Variants in NLGN4Y observed in about 807,000 individuals in gnomAD.
NLGN4Y encodes the protein neuroligin-4, Y-linked.
In NLGN4Y, 4 loss-of-function variants were observed where a neutral mutation model predicts 8.4. The observed-to-expected ratio is 0.48, with a 90% confidence interval of 0.23 to 1.09. The LOEUF is 1.09. Among genes scored for constraint, NLGN4Y ranks in the 50% least tolerant of loss-of-function variants. The pLI, the probability that NLGN4Y is intolerant of heterozygous loss-of-function variation, is 0.19. For missense variants in NLGN4Y, 90 were observed against 192.3 expected (o/e 0.47, Z 3.15); for synonymous variants, 35 against 75.6 (o/e 0.46, Z 2.78).
chrY:14,733,541 C>T, intron 4 of NLGN4Y: 1 of 250,016 alleles, frequency 4.0e-6, no homozygotes, highest in Non-Finnish European at 6.2e-6. Flanking sequence ...TTTTTGAGTT[C>T]AGATGCAATC....
At chrY:14,612,140 T>A in intron 1 of NLGN4Y, among the ~76,000 whole-genome samples, 2 of 33,759 alleles carry the variant, frequency 5.9e-5, no homozygotes, top group Non-Finnish European at 1.5e-4. Flanking sequence ...AGCTATATCA[T>A]GTCATTTATA....
intron 2 of NLGN4Y, among the ~76,000 whole-genome samples, chrY:14,696,993 T>C (rs1029428914): frequency 1.8e-4 from 6 of 32,666 alleles, no homozygotes. Context: ...CACCCTGTCA[T>C]GCTTTGCCTG....
intron 1 of NLGN4Y, among the ~76,000 whole-genome samples, chrY:14,538,734 G>A: frequency 3.1e-5 from 1 of 32,771 alleles, no homozygotes; most frequent in African/African-American, 1.2e-4. Context: ...CTTTCCTTAC[G>A]GGGCTTTGTC....
intron 1 of NLGN4Y, among the ~76,000 whole-genome samples, chrY:14,559,839 T>C (rs2150474786): frequency 3.0e-5 from 1 of 33,404 alleles, no homozygotes; most frequent in Non-Finnish European, 7.4e-5. Flanking sequence ...ATTCAATAAA[T>C]TACATGAGAT....
intron 2 of NLGN4Y, among the ~76,000 whole-genome samples, chrY:14,689,101 T>C (rs2080801263): frequency 3.2e-5 from 1 of 30,828 alleles, no homozygotes; most frequent in Admixed American, 3.2e-4. Flanking sequence ...TTGTAAAGTT[T>C]ATTTCTCACT....
At chrY:14,532,998 T>C in intron 1 of NLGN4Y, among the ~76,000 whole-genome samples, 1 of 32,856 alleles carries the variant, frequency 3.0e-5, no homozygotes, top group Non-Finnish European at 7.5e-5. Flanking sequence ...GATAATTCTA[T>C]TGAAGAACAG....
chrY:14,598,878 G>A, intron 1 of NLGN4Y, among the ~76,000 whole-genome samples: 4 of 18,362 alleles, frequency 2.2e-4, no homozygotes, highest in Non-Finnish European at 1.0e-4. Context: ...GAACTAATAG[G>A]AGATGTATAT....
intron 2 of NLGN4Y, among the ~76,000 whole-genome samples, chrY:14,705,110 G>C: frequency 3.1e-5 from 1 of 32,332 alleles, no homozygotes; most frequent in Non-Finnish European, 7.5e-5. Context: ...GTATTGAAAG[G>C]GTAGACAAAC....
chrY:14,592,021 C>T (rs2080373426), intron 1 of NLGN4Y, among the ~76,000 whole-genome samples: 2 of 32,820 alleles, frequency 6.1e-5, no homozygotes, highest in East Asian at 8.2e-4. Context: ...GAGAGATACA[C>T]AGCCAACAGT....
intron 4 of NLGN4Y, among the ~76,000 whole-genome samples, chrY:14,790,213 G>A (rs996981241): frequency 3.0e-5 from 1 of 33,340 alleles, no homozygotes; most frequent in Non-Finnish European, 7.4e-5. Flanking sequence ...GGAAAGATAC[G>A]AGCAATAAAA....
chrY:14,729,867 A>G, intron 4 of NLGN4Y, among the ~76,000 whole-genome samples: 1 of 33,199 alleles, frequency 3.0e-5, no homozygotes, highest in South Asian at 6.8e-4. Flanking sequence ...AGAAAATTTT[A>G]TACGTATCCA....
chrY:14,609,179 C>T, intron 1 of NLGN4Y, among the ~76,000 whole-genome samples: 1 of 33,059 alleles, frequency 3.0e-5, no homozygotes, highest in Non-Finnish European at 7.5e-5. Context: ...TTGACTTCCT[C>T]TCCTGCTATT....
At chrY:14,771,850 G>A (rs2150573422) in intron 4 of NLGN4Y, among the ~76,000 whole-genome samples, 1 of 33,405 alleles carries the variant, frequency 3.0e-5, no homozygotes, top group South Asian at 6.7e-4. Flanking sequence ...AGGGATGGAG[G>A]AAACCAATGA....
At chrY:14,810,796 T>C (rs2043075288) in intron 4 of NLGN4Y, among the ~76,000 whole-genome samples, 2 of 32,939 alleles carry the variant, frequency 6.1e-5, no homozygotes, top group Non-Finnish European at 1.5e-4. Context: ...TTACCTACTT[T>C]ATGAAAATGA....
At chrY:14,556,843 C>T (rs968580643) in intron 1 of NLGN4Y, among the ~76,000 whole-genome samples, 7 of 33,142 alleles carry the variant, frequency 2.1e-4, no homozygotes, top group Admixed American at 2.0e-3. Context: ...CACACAACCG[C>T]GCATATTAAC....
At chrY:14,524,892 C>T (rs772327178) in intron 1 of NLGN4Y, 184 bp downstream of exon 1, 2 of 120,641 alleles carry the variant, frequency 1.7e-5, no homozygotes, top group East Asian at 5.3e-4. Context: ...CTTTCCTCCC[C>T]TTGCCTCCCA....
At chrY:14,818,972 G>A in intron 4 of NLGN4Y, among the ~76,000 whole-genome samples, 1 of 33,364 alleles carries the variant, frequency 3.0e-5, no homozygotes, top group Non-Finnish European at 7.4e-5. Context: ...TTGGATATGT[G>A]TTAGGATCAA....
chrY:14,674,599 T>G (rs2080741633), intron 2 of NLGN4Y, among the ~76,000 whole-genome samples: 3 of 33,415 alleles, frequency 9.0e-5, no homozygotes, highest in Admixed American at 8.3e-4. Flanking sequence ...GGGCTTCTCT[T>G]CAGCCCTGAG....
At chrY:14,661,333 A>G (rs2080673852) in intron 2 of NLGN4Y, among the ~76,000 whole-genome samples, 1 of 32,641 alleles carries the variant, frequency 3.1e-5, no homozygotes, top group African/African-American at 1.2e-4. Flanking sequence ...AACAATGGAG[A>G]CTCAAACAGG....
Sources: gnomAD v4.1 joint callset for allele counts (sites outside exome capture counted in the v4.1 genomes callset) on GRCh38, gnomAD v4.1.1 for gene constraint, MANE v1.5 for transcripts, NCBI Gene and HGNC (gene_info 2026-07-23, HGNC 2026-07-21) for gene names.